Variants in HDX observed in about 807,000 individuals in gnomAD.
HDX encodes the protein chromosome X open reading frame 43.
HDX carries 19 observed loss-of-function variants against 45.2 expected under a neutral mutation model. The observed-to-expected ratio is 0.42, with a 90% confidence interval of 0.29 to 0.62. The LOEUF (loss-of-function observed/expected upper bound fraction) is 0.62. Ranked by LOEUF, HDX falls within the 20% of genes least tolerant of loss-of-function variation. HDX has a pLI of 0.20. For synonymous variants in HDX, 188 were observed against 172.8 expected (o/e 1.09, Z -0.69); for missense variants, 532 against 493.9 (o/e 1.08, Z -0.73).
intron 5 of HDX, among the ~76,000 whole-genome samples, chrX:84,439,148 G>T (rs941165064): frequency 9.0e-6 from 1 of 111,358 alleles, no homozygotes; most frequent in African/African-American, 3.3e-5. Context: ...GCATTTCTCT[G>T]ATGACTAGTG....
At chrX:84,486,864 T>A (rs61238844) in intron 2 of HDX, among the ~76,000 whole-genome samples, 2,961 of 111,747 alleles carry the variant, frequency 0.026, 71 homozygotes, top group African/African-American at 0.085. Flanking sequence ...ATTGAATCTG[T>A]AAATTTTCAT....
intron 4 of HDX, among the ~76,000 whole-genome samples, chrX:84,460,375 A>C (rs1320869049): frequency 8.9e-6 from 1 of 112,460 alleles, no homozygotes; most frequent in Non-Finnish European, 1.9e-5. Flanking sequence ...AGAAACTTAA[A>C]GATGGTTAAA....
chrX:84,421,334 T>G (rs188481875), intron 5 of HDX, among the ~76,000 whole-genome samples: 2 of 111,758 alleles, frequency 1.8e-5, no homozygotes, highest in African/African-American at 6.5e-5. Flanking sequence ...CTCATTTGTT[T>G]ATGCAAGCAG....
chrX:84,472,223 T>G (rs779786609), intron 3 of HDX, among the ~76,000 whole-genome samples: 1 of 111,395 alleles, frequency 9.0e-6, no homozygotes, highest in South Asian at 3.7e-4. Flanking sequence ...TTATAAAGTT[T>G]TATAGTTTAT....
At chrX:84,374,371 G>A (rs962675778) in intron 5 of HDX, among the ~76,000 whole-genome samples, 6 of 109,552 alleles carry the variant, frequency 5.5e-5, no homozygotes, top group African/African-American at 2.0e-4. Flanking sequence ...TCCCCATCAA[G>A]CTACCAATGA....
chrX:84,442,788 A>G (rs1486017331), intron 4 of HDX, among the ~76,000 whole-genome samples: 1 of 111,203 alleles, frequency 9.0e-6, no homozygotes, highest in Non-Finnish European at 1.9e-5. Context: ...AAAATAATTC[A>G]AAATTGACCA....
chrX:84,480,987 G>A (rs184911779), intron 2 of HDX, among the ~76,000 whole-genome samples: 14 of 110,920 alleles, frequency 1.3e-4, no homozygotes, highest in Non-Finnish European at 2.6e-4. Context: ...TTCTTTGTGG[G>A]AATGTTTTGA....
intron 5 of HDX, among the ~76,000 whole-genome samples, chrX:84,439,808 T>C (rs2148058695): frequency 9.0e-6 from 1 of 111,620 alleles, no homozygotes; most frequent in Admixed American, 9.6e-5. Flanking sequence ...TGTAGCCTCA[T>C]AGTATAGTTT....
intron 4 of HDX, among the ~76,000 whole-genome samples, chrX:84,459,114 C>T (rs142781726): frequency 1.8e-3 from 206 of 111,513 alleles, no homozygotes; most frequent in South Asian, 3.3e-3. Flanking sequence ...GGAAATTAAA[C>T]GATATGTTCC....
chrX:84,375,705 G>C (rs1251745565), intron 5 of HDX, among the ~76,000 whole-genome samples: 1 of 107,335 alleles, frequency 9.3e-6, no homozygotes, highest in Non-Finnish European at 1.9e-5. Context: ...GATATCACAT[G>C]GACACAGGAA....
chrX:84,440,875 G>A (rs946713630), intron 4 of HDX, among the ~76,000 whole-genome samples: 3 of 110,542 alleles, frequency 2.7e-5, no homozygotes, highest in Non-Finnish European at 5.7e-5. Flanking sequence ...AAAATCTATA[G>A]ATAATACATT....
intron 1 of HDX, among the ~76,000 whole-genome samples, chrX:84,491,693 G>A (rs2040896138): frequency 9.0e-6 from 1 of 111,364 alleles, no homozygotes; most frequent in Non-Finnish European, 1.9e-5. Context: ...ACTAGGAATT[G>A]GTTTGGTTCT....
intron 9 of HDX, among the ~76,000 whole-genome samples, chrX:84,328,814 A>T (rs770374802): frequency 8.9e-6 from 1 of 112,140 alleles, no homozygotes; most frequent in African/African-American, 3.2e-5. Flanking sequence ...TCTGAGCCAA[A>T]TATGAGTGAC....
At chrX:84,455,126 G>T (rs1366072632) in intron 4 of HDX, among the ~76,000 whole-genome samples, 1 of 111,425 alleles carries the variant, frequency 9.0e-6, no homozygotes, top group African/African-American at 3.3e-5. Context: ...AGCCCAGACA[G>T]TGAAGACTAC....
chrX:84,336,406 T>C (rs2036963748), intron 8 of HDX, among the ~76,000 whole-genome samples: 1 of 111,416 alleles, frequency 9.0e-6, no homozygotes, highest in Admixed American at 9.5e-5. Context: ...TCGGAAATTC[T>C]TGCATACATG....
Position 84,401,736 on chromosome X carries a change from G to T in HDX, c.1305+38796C>A, listed in dbSNP as rs886624323. Among the ~76,000 whole-genome samples the T allele has an allele frequency of 3.6e-5, 4 of 111,767 alleles. No homozygotes were observed. The Admixed American group carries it at 3.8e-4, about 11-fold the overall frequency. ...TACCCAAAGCAATATAAATTATTCT[G>T]GTATAAAGACACATGCACACGTATG... On this transcript the variant is annotated intron_variant, in intron 5 of 10. Transcript: ENST00000373177.
At chrX:84,342,519 ATGTG>A (rs3072241) in intron 7 of HDX, among the ~76,000 whole-genome samples, 13 of 102,162 alleles carry the variant, frequency 1.3e-4, no homozygotes, top group Non-Finnish European at 2.4e-4. Flanking sequence ...ATGTGTGTGC[ATGTG>A]TGTGTGTGTG....
At chrX:84,426,642 T>TG (rs1278397089) in intron 5 of HDX, among the ~76,000 whole-genome samples, 2 of 108,850 alleles carry the variant, frequency 1.8e-5, no homozygotes, top group African/African-American at 6.7e-5. Context: ...TTATTAGGGG[T>TG]GGGGGATATG....
chrX:84,398,184 C>A (rs1467039703), intron 5 of HDX, among the ~76,000 whole-genome samples: 1 of 110,416 alleles, frequency 9.1e-6, no homozygotes. Flanking sequence ...TGCAAAATAA[C>A]CAGATAGCAT....
Sources: allele counts gnomAD v4.1 joint callset (sites outside exome capture counted in the v4.1 genomes callset), GRCh38; gene constraint gnomAD v4.1.1; transcripts MANE v1.5; gene names NCBI Gene and HGNC (gene_info 2026-07-23, HGNC 2026-07-21).